Variants in OPCML observed in about 807,000 individuals in gnomAD.
OPCML encodes the protein opioid binding protein/cell adhesion molecule like.
A neutral mutation model predicts 37.8 loss-of-function variants in OPCML; 13 were observed. The observed-to-expected ratio is 0.34, with a 90% CI of 0.22 to 0.55. OPCML has a LOEUF of 0.55. Among genes scored for constraint, OPCML ranks in the 20% least tolerant of loss-of-function variants. The probability of loss-of-function intolerance (pLI) is 0.91; values close to 1 mark genes in which losing one functional copy is unlikely to be tolerated. For missense variants in OPCML, 341 were observed against 435.6 expected (o/e 0.78, Z 1.93); for synonymous variants, 176 against 168.8 (o/e 1.04, Z -0.33).
chr11:132,712,166 A>C (rs1371676491), intron 2 of OPCML, among the ~76,000 whole-genome samples: 1 of 152,204 alleles, frequency 6.6e-6, no homozygotes, highest in Non-Finnish European at 1.5e-5. Context: ...ACTGCAGAAA[A>C]TGAGATTGGA....
At chr11:132,586,809 T>G (rs964136336) in intron 3 of OPCML, among the ~76,000 whole-genome samples, 2 of 152,126 alleles carry the variant, frequency 1.3e-5, no homozygotes, top group Non-Finnish European at 2.9e-5. Context: ...AGGTGTATGA[T>G]ATCATGAAAT....
rs1468100454 is a variant in OPCML, at chr11:132,416,014, G to C, written c.*4179C>G. The stretch of plus-strand genomic sequence containing the variant: ...TGTCTTCAAGTAAAAAGACAGGGAA[G>C]CTCTGAATAATAGGAGGGGAGGCAA... On this transcript the variant is annotated 3_prime_UTR_variant, in exon 8 of 8. Transcript: ENST00000524381. 2 of 152,572 alleles carry C rather than the reference G, an allele frequency of 1.3e-5. No individual in the cohort carries two copies. Among genetic ancestry groups the C allele is most frequent in the African/African-American group, 4.8e-5 (2 of 41,426 alleles). The allele number at this position is 152,572 out of a possible 1,614,324, so 9.5% of individuals were successfully genotyped here.
intron 1 of OPCML, among the ~76,000 whole-genome samples, chr11:133,395,425 CT>C (rs1178876041): frequency 1.3e-5 from 2 of 152,080 alleles, no homozygotes; most frequent in Non-Finnish European, 2.9e-5. Context: ...TCCATTTTTG[CT>C]TTGGTTGCCT....
chr11:133,469,604 C>T (rs1052235635), intron 1 of OPCML, among the ~76,000 whole-genome samples: 2 of 152,196 alleles, frequency 1.3e-5, no homozygotes, highest in Non-Finnish European at 2.9e-5. Context: ...CAATTGTTTT[C>T]TCTTCACAAC....
chr11:132,943,897 C>G lies in OPCML; in HGVS notation c.62-887G>C, dbSNP rs1447698403. The G allele has an allele frequency of 2.0e-5, 3 of 151,588 alleles. No homozygotes were observed. Among genetic ancestry groups the G allele is most frequent in the African/African-American group, 7.3e-5 (3 of 41,364 alleles). 9.4% of individuals were successfully genotyped at this position (151,588 alleles called of 1,614,324 possible). On this transcript the variant is annotated intron_variant, in intron 1 of 7. Transcript: ENST00000524381. The surrounding 1 kb of genome is among the most constrained non-coding windows in gnomAD (Gnocchi z 4.3). ...CCCGGCCTCCGCGCCGCCTTCCTCC[C>G]GGGAGCAGCCCCGACGCGCGCGGGC...
chr11:133,242,704 G>T (rs1256883459), intron 1 of OPCML, among the ~76,000 whole-genome samples: 1 of 152,136 alleles, frequency 6.6e-6, no homozygotes, highest in East Asian at 1.9e-4. Context: ...TGAGGATCAG[G>T]ACTTAAACCT....
intron 1 of OPCML, among the ~76,000 whole-genome samples, chr11:133,530,276 C>G (rs375284455): frequency 1.3e-5 from 2 of 152,246 alleles, no homozygotes; most frequent in African/African-American, 2.4e-5. Flanking sequence ...AGGTCTCACC[C>G]TGGCTCCTGG....
intron 1 of OPCML, chr11:133,423,112 A>T: frequency 1.0e-6 from 1 of 985,400 alleles, no homozygotes; most frequent in South Asian, 4.7e-5. Flanking sequence ...ATGGGCTTCT[A>T]TTTGCCTTTC....
chr11:132,450,709 G>A (rs1047944416), intron 4 of OPCML, among the ~76,000 whole-genome samples: 1 of 152,152 alleles, frequency 6.6e-6, no homozygotes, highest in Non-Finnish European at 1.5e-5. Flanking sequence ...TAAATGCATG[G>A]CAGTAAAGAA....
chr11:133,024,384 G>A lies in OPCML; in HGVS notation c.62-81374C>T, dbSNP rs183600082. On this transcript the variant is annotated intron_variant, in intron 1 of 7. Coordinates refer to ENST00000524381, the MANE Select transcript of OPCML (RefSeq NM_001012393.5). ...CGTGTCCATTGAACTTAACTCATTAGGATGGAGACCTCTGGAGAGATTTAG... is the reference window on the plus strand; with the variant it reads ...CGTGTCCATTGAACTTAACTCATTAAGATGGAGACCTCTGGAGAGATTTAG... The A allele has an allele frequency of 1.1e-4, 110 of 985,300 alleles. 2 individuals are homozygous for A. In the East Asian group the frequency reaches 6.7e-3, roughly 60 times the overall value. The allele number at this position is 985,300 out of a possible 1,614,324, so 61.0% of individuals were successfully genotyped here. A position where few individuals can be genotyped will look rare whatever the true frequency, so the allele number is the denominator to read the frequency against.
At chr11:133,439,210 G>A (rs1356705673) in intron 1 of OPCML, 22 of 862,048 alleles carry the variant, frequency 2.6e-5, no homozygotes, top group Non-Finnish European at 3.1e-5. Context: ...CCCTTAACCT[G>A]CAGGTCCTAT....
chr11:132,794,858 T>A lies in OPCML; in HGVS notation c.147-137539A>T, dbSNP rs189916204. On this transcript the variant is annotated intron_variant, in intron 2 of 7. Coordinates refer to ENST00000524381, the MANE Select transcript of OPCML (RefSeq NM_001012393.5). ...TACAACTTAAAATGAGTGAACCCAATTTGACCTATCAACCTAACAAAAACA... is the reference window on the plus strand; with the variant it reads ...TACAACTTAAAATGAGTGAACCCAAATTGACCTATCAACCTAACAAAAACA... Among the ~76,000 whole-genome samples, 673 of 150,708 alleles carry A rather than the reference T, an allele frequency of 4.5e-3. 3 individuals carry two copies. The highest frequency in any genetic ancestry group is 0.016 in the African/African-American group (650 of 40,938).
chr11:132,485,646 T>C (rs1468585083), intron 4 of OPCML, among the ~76,000 whole-genome samples: 1 of 152,250 alleles, frequency 6.6e-6, no homozygotes, highest in African/African-American at 2.4e-5. Flanking sequence ...TGGAATCATA[T>C]ACTATGTAAT....
At chr11:132,469,868 T>G (rs1196309164) in intron 4 of OPCML, among the ~76,000 whole-genome samples, 4 of 94,684 alleles carry the variant, frequency 4.2e-5, no homozygotes, top group African/African-American at 1.2e-4. Context: ...TGTGTGGGGG[T>G]GTGTATGTGT....
intron 3 of OPCML, among the ~76,000 whole-genome samples, chr11:132,628,372 A>T (rs1209503474): frequency 6.6e-6 from 1 of 152,204 alleles, no homozygotes; most frequent in Non-Finnish European, 1.5e-5. Context: ...CAACAAAAAA[A>T]ATTTGAGAAT....
At chr11:133,097,402 T>A (rs1482868610) in intron 1 of OPCML, among the ~76,000 whole-genome samples, 3 of 152,184 alleles carry the variant, frequency 2.0e-5, no homozygotes, top group Non-Finnish European at 2.9e-5. Context: ...CATGCTTAGA[T>A]GGAGATTTCT....
intron 1 of OPCML, among the ~76,000 whole-genome samples, chr11:133,305,152 A>G (rs759954637): frequency 2.0e-5 from 3 of 152,158 alleles, no homozygotes; most frequent in African/African-American, 4.8e-5. Context: ...CTTTCTCTTA[A>G]TATTTATCTC....
intron 2 of OPCML, among the ~76,000 whole-genome samples, chr11:132,668,962 A>C (rs995278693): frequency 2.6e-5 from 4 of 152,048 alleles, no homozygotes; most frequent in South Asian, 2.1e-4. Context: ...CCACTGAGAC[A>C]ACTTTAACTT....
chr11:132,756,940 C>G (rs1026012012), intron 2 of OPCML, among the ~76,000 whole-genome samples: 1 of 152,102 alleles, frequency 6.6e-6, no homozygotes. Flanking sequence ...TGCTCCCCAC[C>G]CCCTGACAGG....
Sources: gnomAD v4.1 joint callset for allele counts (sites outside exome capture counted in the v4.1 genomes callset) on GRCh38, gnomAD v4.1.1 for gene constraint, Gnocchi (gnomAD v3.1) non-coding constraint, MANE v1.5 for transcripts, NCBI Gene and HGNC (gene_info 2026-07-23, HGNC 2026-07-21) for gene names.